Variants in TMEM132B observed in about 807,000 individuals in gnomAD.
TMEM132B encodes the protein transmembrane protein 132B.
In TMEM132B, 18 loss-of-function variants were observed where a neutral mutation model predicts 90.8. That is an observed-to-expected ratio of 0.20 (90% CI 0.14 to 0.29). The LOEUF (loss-of-function observed/expected upper bound fraction) is 0.29, where lower values mean the gene tolerates loss of function less well. TMEM132B is among the 10% of genes least tolerant of loss of function. The pLI is 1.00. For missense variants in TMEM132B, 1,096 were observed against 1,326.8 expected (o/e 0.83, Z 2.70); for synonymous variants, 504 against 523.3 (o/e 0.96, Z 0.50).
intron 2 of TMEM132B, among the ~76,000 whole-genome samples, chr12:125,396,061 A>C (rs1879160131): frequency 6.6e-6 from 1 of 152,228 alleles, no homozygotes; most frequent in Non-Finnish European, 1.5e-5. Context: ...TTGATTGGCC[A>C]CATACATACC....
chr12:125,602,834 C>A (rs1885603450), intron 5 of TMEM132B, among the ~76,000 whole-genome samples: 1 of 151,888 alleles, frequency 6.6e-6, no homozygotes, highest in Admixed American at 6.6e-5. Flanking sequence ...AGACAGAGAG[C>A]CAAATCATGA....
chr12:125,293,806 G>A (rs1417580287), intron 1 of TMEM132B, among the ~76,000 whole-genome samples: 1 of 152,214 alleles, frequency 6.6e-6, no homozygotes, highest in South Asian at 2.1e-4. Flanking sequence ...CTTGAGAGGT[G>A]TGGGGGTCTA....
intron 3 of TMEM132B, among the ~76,000 whole-genome samples, chr12:125,471,585 A>G (rs1309655250): frequency 6.6e-6 from 1 of 152,144 alleles, no homozygotes; most frequent in Non-Finnish European, 1.5e-5. Context: ...CTTTGCAGGG[A>G]GCCGCTGACT....
At chr12:125,315,978 C>T (rs574069084) in intron 1 of TMEM132B, among the ~76,000 whole-genome samples, 1 of 151,846 alleles carries the variant, frequency 6.6e-6, no homozygotes, top group East Asian at 1.9e-4. Context: ...GATCAGCATC[C>T]CCCCCTCACC....
chr12:125,601,292 A>T (rs944282325), intron 5 of TMEM132B, among the ~76,000 whole-genome samples: 9 of 152,350 alleles, frequency 5.9e-5, no homozygotes, highest in Non-Finnish European at 1.2e-4. Context: ...TCAAATTAGA[A>T]CTAAGGATTA....
At position 125,490,973 on chromosome 12, in the gene TMEM132B, GA is replaced by G. The variant is rs1365975310; in HGVS notation, c.1107-28463del. On this transcript the variant is annotated intron_variant, in intron 3 of 8. Transcript: ENST00000682704. The surrounding 1 kb of genome is among the most constrained non-coding windows in gnomAD (Gnocchi z 4.2). ...AGCTTTATGGAGAGGCCCATGTGGT[GA>G]AAGACTGAGGCCTCCTGACAATAGC... 6.6e-6 allele frequency among the ~76,000 whole-genome samples: 1 copy of G among 152,156 alleles called. No homozygotes were observed. Among genetic ancestry groups the G allele is most frequent in the African/African-American group, 2.4e-5 (1 of 41,430 alleles).
At chr12:125,405,877 C>T (rs1223933566) in intron 2 of TMEM132B, among the ~76,000 whole-genome samples, 3 of 152,216 alleles carry the variant, frequency 2.0e-5, no homozygotes, top group Non-Finnish European at 2.9e-5. Context: ...TTATAATCCA[C>T]AAATATTCCT....
At position 125,330,075 on chromosome 12, in the gene TMEM132B, G is replaced by A. The variant is rs186033161; in HGVS notation, c.68-19377G>A. Among the ~76,000 whole-genome samples the A allele has an allele frequency of 9.1e-4, 138 of 152,322 alleles. 2 individuals are homozygous for A. Among genetic ancestry groups the A allele is most frequent in the Middle Eastern group, 6.8e-3 (2 of 294 alleles). ...CGATCTGTGTCACGCTGGACTGATGGAAAACCCAGGTGTTGCTCTGGGTCA... is the reference window on the plus strand; with the variant it reads ...CGATCTGTGTCACGCTGGACTGATGAAAAACCCAGGTGTTGCTCTGGGTCA... On this transcript the variant is annotated intron_variant, in intron 1 of 8. Transcript: ENST00000682704.
intron 3 of TMEM132B, among the ~76,000 whole-genome samples, chr12:125,474,524 G>C (rs928295096): frequency 6.6e-6 from 1 of 152,104 alleles, no homozygotes; most frequent in African/African-American, 2.4e-5. Context: ...TCTGGGCTCA[G>C]GTAATCCTCC....
chr12:125,461,797 G>T (rs1267401211), intron 3 of TMEM132B, among the ~76,000 whole-genome samples: 1 of 152,220 alleles, frequency 6.6e-6, no homozygotes, highest in East Asian at 1.9e-4. Context: ...TCCCGGCGCT[G>T]CCAGGCCACC....
chr12:125,593,531 G>C (rs890944132), intron 5 of TMEM132B, among the ~76,000 whole-genome samples: 2 of 152,168 alleles, frequency 1.3e-5, no homozygotes, highest in Non-Finnish European at 2.9e-5. Context: ...TTAGGTCTGA[G>C]GTTAGGGGAT....
At chr12:125,523,176 C>T (rs1883354432) in intron 4 of TMEM132B, among the ~76,000 whole-genome samples, 4 of 152,204 alleles carry the variant, frequency 2.6e-5, no homozygotes, top group African/African-American at 9.7e-5. Context: ...AACAAATTAC[C>T]ATAAACTCAA....
At chr12:125,295,517 A>T (rs73233345) in intron 1 of TMEM132B, among the ~76,000 whole-genome samples, 33,318 of 117,290 alleles carry the variant, frequency 0.28, 3,754 homozygotes, top group Non-Finnish European at 0.32. Context: ...TGTGTGTGTG[A>T]GAGAGAGAGA....
At chr12:125,475,117 C>T (rs1881838707) in intron 3 of TMEM132B, among the ~76,000 whole-genome samples, 2 of 151,980 alleles carry the variant, frequency 1.3e-5, no homozygotes, top group Admixed American at 6.6e-5. Context: ...TCACCTTACC[C>T]GGGTGACATG....
intron 3 of TMEM132B, among the ~76,000 whole-genome samples, chr12:125,437,671 A>G (rs1443448931): frequency 6.6e-6 from 1 of 152,218 alleles, no homozygotes; most frequent in Non-Finnish European, 1.5e-5. Context: ...ACAGGCTACA[A>G]CATGGAAGAA....
At chr12:125,494,174 CGTCCCTCCTCCCCCTCCTCCCTGG>C (rs1882447195) in intron 3 of TMEM132B, among the ~76,000 whole-genome samples, 1 of 128,984 alleles carries the variant, frequency 7.8e-6, no homozygotes, top group Admixed American at 7.7e-5. Flanking sequence ...GAAATGACCG[CGTCCCTCCTCCCCCTCCTCCCTGG>C]AAATGGATGC....
At position 125,348,686 on chromosome 12, in the gene TMEM132B, A is replaced by C. The variant is rs146857562; in HGVS notation, c.68-766A>C. On this transcript the variant is annotated intron_variant, in intron 1 of 8. Transcript: ENST00000682704. ...TCCTTGCGGCAACCCAGTAAGGTAG[A>C]ATTCATGTTTGTCCTACTTTATGTG... Among the ~76,000 whole-genome samples the C allele has an allele frequency of 2.2e-3, 332 of 152,274 alleles. 1 individual carries two copies. The highest frequency in any genetic ancestry group is 7.8e-3 in the African/African-American group (324 of 41,550).
chr12:125,302,824 C>T lies in TMEM132B; in HGVS notation c.68-46628C>T, dbSNP rs573713151. Among the ~76,000 whole-genome samples the T allele has an allele frequency of 3.3e-5, 5 of 152,204 alleles. No individual in the cohort carries two copies. In the South Asian group the frequency reaches 1.0e-3, roughly 32 times the overall value. ...CTATATCCATTAAGCAGGCTGGGTG[C>T]GGTGGCTCATGCCTGTAATCCCAGC... On this transcript the variant is annotated intron_variant, in intron 1 of 8. Transcript: ENST00000682704.
At chr12:125,433,151 C>T (rs532601713) in intron 3 of TMEM132B, among the ~76,000 whole-genome samples, 11 of 152,282 alleles carry the variant, frequency 7.2e-5, no homozygotes, top group African/African-American at 2.2e-4. Context: ...AGGGTCCTTG[C>T]GGTGTGCTTA....
Sources: gnomAD v4.1 joint callset for allele counts (sites outside exome capture counted in the v4.1 genomes callset) on GRCh38, gnomAD v4.1.1 for gene constraint, Gnocchi (gnomAD v3.1) non-coding constraint, MANE v1.5 for transcripts, NCBI Gene and HGNC (gene_info 2026-07-23, HGNC 2026-07-21) for gene names.